ARID1B: variants seen among roughly 807,000 people sequenced by gnomAD.
The protein encoded by ARID1B is AT-rich interactive domain-containing protein 1B.
Under a neutral mutation model 212.3 loss-of-function variants are expected in ARID1B, and 30 were observed. The observed-to-expected ratio is 0.14, with a 90% CI of 0.11 to 0.19. ARID1B has a LOEUF of 0.19. Among genes scored for constraint, ARID1B ranks in the 10% least tolerant of loss-of-function variants. The pLI, the probability that ARID1B is intolerant of heterozygous loss-of-function variation, is 1.00. For missense variants in ARID1B, 2,891 were observed against 3,204.0 expected, an observed-to-expected ratio of 0.90 and a Z score of 2.36; for synonymous variants, 1,402 against 1,301.7, an observed-to-expected ratio of 1.08 and a Z score of -1.66.
At chr6:156,855,450 G>A (rs1784848836) in intron 2 of ARID1B, among the ~76,000 whole-genome samples, 1 of 152,148 alleles carries the variant, frequency 6.6e-6, no homozygotes, top group Non-Finnish European at 1.5e-5. Flanking sequence ...AACACTGCAG[G>A]CCCGTCCACT....
intron 1 of ARID1B, among the ~76,000 whole-genome samples, chr6:156,811,038 C>T (rs910708410): frequency 5.9e-5 from 9 of 151,978 alleles, no homozygotes; most frequent in Non-Finnish European, 8.8e-5. Flanking sequence ...TGGGGAAGGC[C>T]GCCTCAGACT....
intron 1 of ARID1B, among the ~76,000 whole-genome samples, chr6:156,782,495 C>A (rs1419342265): frequency 7.2e-5 from 11 of 152,072 alleles, no homozygotes; most frequent in Non-Finnish European, 1.5e-5. Context: ...TTTATGATGT[C>A]CACATTTCTA....
rs1255276932 is a variant in ARID1B, at chr6:157,208,717, T to TTTC, written c.*828_*829insCTT. Reference sequence around the variant, plus strand: ...ACATACCCTCATTTTTTTCTTTTCTTTTTTTTTTTTTTTTTTAGTACAAAG... The same window carrying TTTC: ...ACATACCCTCATTTTTTTCTTTTCTTTTCTTTTTTTTTTTTTTTTAGTACAAAG... On this transcript the variant is annotated 3_prime_UTR_variant, in exon 20 of 20. Transcript: ENST00000636930. The TTTC allele has an allele frequency of 5.6e-5, 9 of 160,786 alleles. No homozygotes were observed. Among genetic ancestry groups the TTTC allele is most frequent in the African/African-American group, 2.0e-4 (8 of 40,756 alleles). The allele number at this position is 160,786 out of a possible 1,614,324, so 10.0% of individuals were successfully genotyped here.
intron 4 of ARID1B, among the ~76,000 whole-genome samples, chr6:157,015,487 G>A (rs1238842623): frequency 2.0e-5 from 3 of 152,174 alleles, no homozygotes; most frequent in Admixed American, 2.0e-4. Flanking sequence ...CACAATATTT[G>A]ATATTTGAAG....
intron 13 of ARID1B, chr6:157,186,648 C>A: frequency 5.0e-6 from 2 of 396,506 alleles, no homozygotes; most frequent in Non-Finnish European, 1.1e-5. Flanking sequence ...TCATTTATTA[C>A]AAGATTTTTA....
chr6:157,001,898 C>T (rs143890195), intron 4 of ARID1B, among the ~76,000 whole-genome samples: 16 of 152,322 alleles, frequency 1.1e-4, no homozygotes, highest in African/African-American at 3.6e-4. Context: ...ATAGGTCGCA[C>T]ACCTTACCAA....
intron 2 of ARID1B, among the ~76,000 whole-genome samples, chr6:156,893,481 C>T (rs374384758): frequency 1.3e-5 from 2 of 152,022 alleles, no homozygotes; most frequent in African/African-American, 2.4e-5. Context: ...AGGAGACTAT[C>T]GAGAGAGTGA....
At position 157,004,897 on chromosome 6, in the gene ARID1B, C is replaced by CTTTTTTTTTTT. The variant is rs1177807875; in HGVS notation, c.2247+69345_2247+69355dup. Among the ~76,000 whole-genome samples the CTTTTTTTTTTT allele has an allele frequency of 1.4e-3, 77 of 54,656 alleles. 1 individual carries two copies. The highest frequency in any genetic ancestry group is 2.2e-3 in the South Asian group (5 of 2,234). The allele number at this position is 54,656 out of a possible 152,430, so 35.9% of individuals were successfully genotyped here. On this transcript the variant is annotated intron_variant, in intron 4 of 19. Transcript: ENST00000636930. ...TTTTTTCTTTTTCTTCTTCTTTTTT[C>CTTTTTTTTTTT]TTTTTTTTTTTTTTTTTTTTTTTTT...
chr6:157,112,513 T>C (rs1176708434), intron 6 of ARID1B, among the ~76,000 whole-genome samples: 1 of 152,250 alleles, frequency 6.6e-6, no homozygotes, highest in Non-Finnish European at 1.5e-5. Context: ...CTCTCACTGG[T>C]ACAGTTCTTT....
chr6:157,135,953 C>T (rs1358784773), intron 7 of ARID1B, among the ~76,000 whole-genome samples: 1 of 150,210 alleles, frequency 6.7e-6, no homozygotes, highest in Non-Finnish European at 1.5e-5. Flanking sequence ...TGGCTTGCTT[C>T]TGGTTTTGCT....
intron 8 of ARID1B, among the ~76,000 whole-genome samples, chr6:157,156,020 C>T (rs7765520): frequency 0.035 from 5,376 of 152,128 alleles, 322 homozygotes; most frequent in African/African-American, 0.12. Context: ...CCTCTGAAGC[C>T]AGTATGATGC....
rs759533117 is a variant in ARID1B, at chr6:157,084,851, C to T, written c.2437C>T (p.Pro813Ser). 5 of 1,614,176 alleles carry T rather than the reference C, an allele frequency of 3.1e-6. No individual in the cohort carries two copies. Among genetic ancestry groups the T allele is most frequent in the Non-Finnish European group, 4.2e-6 (5 of 1,180,014 alleles). ...CCCATCTCCCTCTCCTGTTGGCTCT[C>T]CTGTAGGAAGCAACCAGTCTCGATC... ...GGPSPSPVGS[P>S]VGSNQSRSGP... is the part of the protein sequence containing the mutation. Residue 813 changes from proline (P) to serine (S), a missense_variant, in exon 5 of 20, where the codon CCT becomes TCT. This residue lies in a region of ARID1B where 1,643 missense variants were observed against 1,544.0 expected (regional missense o/e 1.06). Coordinates refer to ENST00000636930, the MANE Select transcript of ARID1B (RefSeq NM_001374828.1).
intron 3 of ARID1B, among the ~76,000 whole-genome samples, chr6:156,921,580 G>T (rs1381528591): frequency 6.6e-6 from 1 of 152,044 alleles, no homozygotes; most frequent in Non-Finnish European, 1.5e-5. Context: ...TTTCGTAGAA[G>T]ATTGGTAAAG....
chr6:157,039,487 C>T (rs1038564582), intron 4 of ARID1B, among the ~76,000 whole-genome samples: 13 of 151,482 alleles, frequency 8.6e-5, no homozygotes, highest in African/African-American at 2.4e-4. Context: ...CCCGCCACCG[C>T]GCCCGGCTAA....
chr6:156,802,493 T>G (rs1378345091), intron 1 of ARID1B, among the ~76,000 whole-genome samples: 3 of 152,238 alleles, frequency 2.0e-5, no homozygotes, highest in African/African-American at 7.2e-5. Context: ...TTTTTAGTTT[T>G]AAAATATCAA....
intron 12 of ARID1B, among the ~76,000 whole-genome samples, chr6:157,182,271 A>T (rs572258327): frequency 2.0e-5 from 3 of 152,296 alleles, no homozygotes; most frequent in African/African-American, 7.2e-5. Context: ...TATATTTTTT[A>T]AAAAATAGAA....
At chr6:156,861,292 A>G (rs1199237078) in intron 2 of ARID1B, among the ~76,000 whole-genome samples, 1 of 152,218 alleles carries the variant, frequency 6.6e-6, no homozygotes, top group Non-Finnish European at 1.5e-5. Flanking sequence ...AGAATGTGAT[A>G]GAAGTCTGGG....
At position 157,206,652 on chromosome 6, in the gene ARID1B, G is replaced by A. The variant is rs2128393616; in HGVS notation, c.5880G>A (p.Lys1960=). The stretch of plus-strand genomic sequence containing the variant: ...ACATTCAGACTCACTTTGAGAGCAA[G>A]ATGGAAATTCCTCCTCGCAGGCGCC... ...TEHIQTHFES[K]MEIPPRRRPP... is the part of the protein sequence containing the mutation. Residue 1960 remains lysine (K), a synonymous_variant, in exon 20 of 20, where the codon AAG becomes AAA. Transcript: ENST00000636930. The surrounding 1 kb of genome is among the most constrained non-coding windows in gnomAD (Gnocchi z 6.8). The A allele has an allele frequency of 6.2e-7, 1 of 1,613,830 alleles. No homozygotes were observed. Among genetic ancestry groups the A allele is most frequent in the Middle Eastern group, 1.6e-4 (1 of 6,062 alleles).
At chr6:156,812,561 T>C (rs772787987) in intron 1 of ARID1B, among the ~76,000 whole-genome samples, 29 of 152,308 alleles carry the variant, frequency 1.9e-4, no homozygotes, top group South Asian at 8.3e-4. Context: ...CCTCTGCTTA[T>C]CTTTTTCATA....
Sources: gnomAD v4.1 joint callset for allele counts (sites outside exome capture counted in the v4.1 genomes callset) on GRCh38, gnomAD v4.1.1 for gene constraint, gnomAD v4.1.1 regional missense constraint, Gnocchi (gnomAD v3.1) non-coding constraint, MANE v1.5 for transcripts, NCBI Gene and HGNC (gene_info 2026-07-23, HGNC 2026-07-21) for gene names.